PPP3CB: variants seen among roughly 807,000 people sequenced by gnomAD.
PPP3CB encodes serine/threonine-protein phosphatase 2B catalytic subunit beta isoform.
Under a neutral mutation model 66.4 loss-of-function variants are expected in PPP3CB, and 8 were observed. The ratio of observed to expected loss-of-function variants is 0.12; its 90% CI spans 0.07 to 0.22. The LOEUF (loss-of-function observed/expected upper bound fraction) is 0.22. Among genes scored for constraint, PPP3CB ranks in the 10% least tolerant of loss-of-function variants. The probability of loss-of-function intolerance (pLI) is 1.00; values close to 1 mark genes in which losing one functional copy is unlikely to be tolerated. For synonymous variants in PPP3CB, 208 were observed against 221.2 expected (o/e 0.94, Z 0.53); for missense variants, 319 against 642.5 (o/e 0.50, Z 5.44).
rs1564561580 is a variant in PPP3CB, at chr10:73,471,120, T to G, written c.759A>C (p.Ser253=). 3.1e-6 allele frequency: 5 copies of G among 1,612,070 alleles called. No homozygotes were observed. In the South Asian group the frequency reaches 5.5e-5, roughly 18 times the overall value. Residue 253 remains serine (S), a synonymous_variant, in exon 6 of 14, where the codon TCA becomes TCC. Coordinates refer to ENST00000360663, the MANE Select transcript of PPP3CB (RefSeq NM_021132.4). ...CTGTATTGTGACTAAAATGTTCCTG[T>G]GATTTTTCATTTCCAAAATCTTCAG... The part of the protein sequence containing the change: ...DPSEDFGNEK[S]QEHFSHNTVR...
At chr10:73,483,653 T>A (rs931046374) in intron 1 of PPP3CB, among the ~76,000 whole-genome samples, 1 of 152,008 alleles carries the variant, frequency 6.6e-6, no homozygotes, top group Non-Finnish European at 1.5e-5. Flanking sequence ...CAAGACTCCG[T>A]CTAAAGATAA....
intron 12 of PPP3CB, 85 bp downstream of exon 12, chr10:73,444,640 C>T: frequency 6.3e-7 from 1 of 1,584,612 alleles, no homozygotes; most frequent in Non-Finnish European, 8.6e-7. Flanking sequence ...AAGGAATTCC[C>T]TGCATGCATT....
At chr10:73,448,704 G>A in intron 10 of PPP3CB, 1 of 533,290 alleles carries the variant, frequency 1.9e-6, no homozygotes, top group Non-Finnish European at 3.8e-6. Context: ...CAGATGGAGA[G>A]TCCAGAAAAA....
At chr10:73,475,277 A>C (rs974762893) in intron 3 of PPP3CB, among the ~76,000 whole-genome samples, 1 of 152,208 alleles carries the variant, frequency 6.6e-6, no homozygotes, top group Non-Finnish European at 1.5e-5. Flanking sequence ...TGAGTCAAAC[A>C]ATCTATTTAA....
chr10:73,450,303 C>A (rs1300642260), intron 10 of PPP3CB, among the ~76,000 whole-genome samples: 22 of 152,040 alleles, frequency 1.4e-4, no homozygotes, highest in Admixed American at 1.4e-3. Context: ...AAGGAGAGAA[C>A]AGAAGGCACG....
At chr10:73,481,054 G>GAATA (rs1375167053) in intron 1 of PPP3CB, among the ~76,000 whole-genome samples, 6 of 151,912 alleles carry the variant, frequency 3.9e-5, no homozygotes, top group Non-Finnish European at 7.4e-5. Flanking sequence ...GCTCTTTACT[G>GAATA]AATAGTACTT....
intron 9 of PPP3CB, among the ~76,000 whole-genome samples, chr10:73,455,864 C>G (rs568382888): frequency 1.3e-5 from 2 of 152,284 alleles, no homozygotes; most frequent in East Asian, 3.9e-4. Context: ...GCCACCGCGC[C>G]CAGCCTGTCA....
chr10:73,495,895 G>C lies in PPP3CB; in HGVS notation c.-6C>G, dbSNP rs2057218440. ...GCCGGCTCCGGGGCGGCCATGCTGG[G>C]CCCGGGGCTCGGCTAGGCTCTGGGC... On this transcript the variant is annotated 5_prime_UTR_variant, in exon 1 of 14. Coordinates refer to ENST00000360663, the MANE Select transcript of PPP3CB (RefSeq NM_021132.4). 1 of 1,050,020 alleles carries C rather than the reference G, an allele frequency of 9.5e-7. No homozygotes were observed. 65.0% of individuals were successfully genotyped at this position (1,050,020 alleles called of 1,614,324 possible). A position where few individuals can be genotyped will look rare whatever the true frequency, so the allele number is the denominator to read the frequency against.
At chr10:73,457,095 TA>T (rs1416593001) in intron 9 of PPP3CB, among the ~76,000 whole-genome samples, 14 of 151,606 alleles carry the variant, frequency 9.2e-5, no homozygotes, top group Admixed American at 3.3e-4. Context: ...TGTATTTTTT[TA>T]AAAAATTAGA....
chr10:73,439,808 G>T, intron 13 of PPP3CB, 64 bp downstream of exon 13: 2 of 1,541,258 alleles, frequency 1.3e-6, no homozygotes, highest in South Asian at 2.2e-5. Context: ...ACACCCACAG[G>T]ACATTCTCTG....
At chr10:73,451,556 C>T (rs886895218) in intron 10 of PPP3CB, among the ~76,000 whole-genome samples, 10 of 151,014 alleles carry the variant, frequency 6.6e-5, no homozygotes, top group Non-Finnish European at 2.9e-5. Context: ...AAACTAAATA[C>T]TATTTTTTAA....
chr10:73,455,704 G>A (rs967676389), intron 9 of PPP3CB, among the ~76,000 whole-genome samples: 2 of 152,168 alleles, frequency 1.3e-5, no homozygotes, highest in African/African-American at 4.8e-5. Context: ...GAGTAGCTGG[G>A]ACTACAGGTG....
intron 1 of PPP3CB, among the ~76,000 whole-genome samples, chr10:73,479,876 T>C (rs1286656754): frequency 6.6e-6 from 1 of 152,102 alleles, no homozygotes; most frequent in Non-Finnish European, 1.5e-5. Flanking sequence ...TAAATATAAT[T>C]TAATGCTGGG....
chr10:73,483,884 C>T, intron 1 of PPP3CB, among the ~76,000 whole-genome samples: 1 of 151,938 alleles, frequency 6.6e-6, no homozygotes, highest in Non-Finnish European at 1.5e-5. Flanking sequence ...TGGTTCATGT[C>T]TGCAGTCCCA....
chr10:73,461,126 G>A lies in PPP3CB; in HGVS notation c.1108+6427C>T, dbSNP rs1014033809. ...TCGAAACAGTGTGCCCAGGATGTAGGACATGGAGTCAATGATTATTTTGGA... is the reference window on the plus strand; with the variant it reads ...TCGAAACAGTGTGCCCAGGATGTAGAACATGGAGTCAATGATTATTTTGGA... On this transcript the variant is annotated intron_variant, in intron 9 of 13. Coordinates refer to ENST00000360663, the MANE Select transcript of PPP3CB (RefSeq NM_021132.4). 5.3e-5 allele frequency among the ~76,000 whole-genome samples: 8 copies of A among 152,220 alleles called. No homozygotes were observed. In the East Asian group the frequency reaches 1.5e-3, roughly 29 times the overall value.
At position 73,471,597 on chromosome 10, in the gene PPP3CB, C is replaced by G. The variant is rs534708885; in HGVS notation, c.540G>C (p.Ser180=). 6.3e-7 allele frequency: 1 copy of G among 1,594,520 alleles called. No homozygotes were observed. The highest frequency in any genetic ancestry group is 8.5e-7 in the Non-Finnish European group (1 of 1,173,026). Residue 180 remains serine (S), a synonymous_variant, in exon 5 of 14, where the codon TCG becomes TCC. Transcript: ENST00000360663. The part of the protein sequence containing the change: ...TFKQECKIKY[S]ERVYEACMEA... The stretch of plus-strand genomic sequence containing the variant: ...CCATACAAGCTTCATAGACTCTTTC[C>G]GAATACTTAATTTTACCTAGAAAAA...
chr10:73,467,822 G>A (rs1457498026), intron 8 of PPP3CB, 144 bp from the exon 9 acceptor site: 13 of 654,112 alleles, frequency 2.0e-5, no homozygotes, highest in Middle Eastern at 8.7e-4. Context: ...GTAGAGGGAG[G>A]AAGGAACTAA....
chr10:73,491,639 G>A (rs1423086769), intron 1 of PPP3CB, among the ~76,000 whole-genome samples: 3 of 152,172 alleles, frequency 2.0e-5, no homozygotes, highest in African/African-American at 7.2e-5. Flanking sequence ...CACTGAAGTA[G>A]CTATGTCACA....
At chr10:73,477,065 A>C in intron 3 of PPP3CB, 1 of 475,582 alleles carries the variant, frequency 2.1e-6, no homozygotes, top group South Asian at 1.5e-5. Context: ...TTGCCTGGCT[A>C]TGCTGTTTAC....
Sources: allele counts gnomAD v4.1 joint callset (sites outside exome capture counted in the v4.1 genomes callset), GRCh38; gene constraint gnomAD v4.1.1; transcripts MANE v1.5; gene names NCBI Gene and HGNC (gene_info 2026-07-23, HGNC 2026-07-21).